Variants in NAA35 observed in about 807,000 individuals in gnomAD.
The protein encoded by NAA35 is N-alpha-acetyltransferase 35, NatC auxiliary subunit.
Under a neutral mutation model 101.7 loss-of-function variants are expected in NAA35, and 18 were observed. The ratio of observed to expected loss-of-function variants is 0.18; its 90% CI spans 0.12 to 0.26. The LOEUF (loss-of-function observed/expected upper bound fraction) is 0.26. Among genes scored for constraint, NAA35 ranks in the 10% least tolerant of loss-of-function variants. NAA35 has a pLI of 1.00. For missense variants in NAA35, 601 were observed against 886.8 expected (o/e 0.68, Z 4.09); for synonymous variants, 267 against 273.1 (o/e 0.98, Z 0.22).
intron 14 of NAA35, among the ~76,000 whole-genome samples, chr9:86,008,027 A>T (rs1406593952): frequency 6.6e-6 from 1 of 152,170 alleles, no homozygotes; most frequent in Non-Finnish European, 1.5e-5. Context: ...CTTTTATCCA[A>T]AATGCCCTGG....
intron 11 of NAA35, among the ~76,000 whole-genome samples, chr9:85,993,016 TAA>T (rs1198003364): frequency 1.3e-5 from 2 of 152,028 alleles, no homozygotes; most frequent in African/African-American, 2.4e-5. Flanking sequence ...TGTGAATGGA[TAA>T]GTTATGATAT....
At chr9:85,966,891 G>C (rs1829764725) in intron 6 of NAA35, among the ~76,000 whole-genome samples, 1 of 152,234 alleles carries the variant, frequency 6.6e-6, no homozygotes, top group Non-Finnish European at 1.5e-5. Flanking sequence ...CAGATCACCT[G>C]AGGTCAGGAG....
intron 14 of NAA35, among the ~76,000 whole-genome samples, chr9:86,008,088 A>G (rs1371651676): frequency 6.6e-6 from 1 of 152,176 alleles, no homozygotes; most frequent in African/African-American, 2.4e-5. Context: ...AAGTATTTGC[A>G]TGTACATAAT....
At chr9:86,005,431 G>C (rs758420213) in intron 13 of NAA35, among the ~76,000 whole-genome samples, 1 of 152,192 alleles carries the variant, frequency 6.6e-6, no homozygotes, top group Non-Finnish European at 1.5e-5. Flanking sequence ...ATGGGAAGAA[G>C]GCAAAGATGC....
chr9:85,945,997 T>C lies in NAA35; in HGVS notation c.124+3714T>C, dbSNP rs553294938. ...GCAGGTGGCACACATTCCTTATAAC[T>C]ACTCTTGAGGCTCTAATTTTTTTCT... On this transcript the variant is annotated intron_variant, in intron 2 of 22. Transcript: ENST00000361671. Among the ~76,000 whole-genome samples the C allele has an allele frequency of 3.3e-4, 50 of 152,314 alleles. No individual in the cohort carries two copies. In the South Asian group the frequency reaches 3.5e-3, roughly 11 times the overall value.
intron 12 of NAA35, among the ~76,000 whole-genome samples, chr9:85,999,514 C>T (rs780383663): frequency 3.9e-5 from 6 of 152,134 alleles, no homozygotes; most frequent in Non-Finnish European, 5.9e-5. Context: ...TGACAGGCTC[C>T]TGATATTGAA....
chr9:85,959,909 G>C (rs1300154091), intron 5 of NAA35, 42 bp downstream of exon 5: 1 of 1,405,592 alleles, frequency 7.1e-7, no homozygotes, highest in Non-Finnish European at 1.0e-6. Flanking sequence ...TTAAAACTGT[G>C]ACTTACCTGA....
intron 2 of NAA35, 76 bp from the exon 3 acceptor site, chr9:85,956,284 G>T: frequency 1.2e-6 from 1 of 841,182 alleles, no homozygotes. Context: ...CTTTTCAGGT[G>T]CTAATGTCTT....
chr9:85,952,389 G>T (rs1829059142), intron 2 of NAA35, among the ~76,000 whole-genome samples: 1 of 150,628 alleles, frequency 6.6e-6, no homozygotes, highest in South Asian at 2.1e-4. Flanking sequence ...GGGTTCAAAT[G>T]ATTCTCCTGC....
intron 7 of NAA35, 35 bp downstream of exon 7, chr9:85,975,068 A>G: frequency 1.2e-6 from 2 of 1,611,586 alleles, no homozygotes; most frequent in Non-Finnish European, 1.7e-6. Flanking sequence ...CACAAGTTTT[A>G]CATTTTCATA....
At chr9:85,944,214 C>T (rs900587559) in intron 2 of NAA35, among the ~76,000 whole-genome samples, 1 of 152,132 alleles carries the variant, frequency 6.6e-6, no homozygotes, top group Non-Finnish European at 1.5e-5. Flanking sequence ...TAATCTGAAT[C>T]TTAGTTTTCT....
intron 6 of NAA35, chr9:85,966,684 C>G: frequency 8.0e-7 from 1 of 1,252,750 alleles, no homozygotes; most frequent in Non-Finnish European, 1.1e-6. Context: ...AGTAAGTTGA[C>G]ACTTCTGTTT....
rs996831930 is a variant in NAA35 at position 86,016,750 on chromosome 9, C to T, written c.1705+75C>T. 13 of 1,451,464 alleles carry T rather than the reference C, an allele frequency of 9.0e-6. No homozygotes were observed. The Admixed American group carries it at 1.2e-4, about 13-fold the overall frequency. The allele number at this position is 1,451,464 out of a possible 1,614,324, so 89.9% of individuals were successfully genotyped here. A position where few individuals can be genotyped will look rare whatever the true frequency, so the allele number is the denominator to read the frequency against. On this transcript the variant is annotated intron_variant, in intron 18 of 22. Transcript: ENST00000361671. ...ACAGATAAATAGATGGAGAGCTACTCGTGAGTTGGTCATTATATTTTAGTT... is the reference window on the plus strand; with the variant it reads ...ACAGATAAATAGATGGAGAGCTACTTGTGAGTTGGTCATTATATTTTAGTT...
intron 12 of NAA35, among the ~76,000 whole-genome samples, chr9:86,000,768 G>C (rs1831389541): frequency 1.3e-5 from 2 of 151,894 alleles, no homozygotes; most frequent in South Asian, 4.2e-4. Flanking sequence ...TTCTAATTGT[G>C]TTTATTTGGG....
In NAA35 at chr9:86,016,572, G is replaced by A; in HGVS notation, c.1602G>A (p.Met534Ile). ...CTGAATTCCTTTACGCATGGTTGAT[G>A]TCAACATTGAGTCGTGCCGATGGCT... The part of the protein sequence containing the change: ...YLSEFLYAWL[M>I]STLSRADGSQ... Residue 534 changes from methionine (M) to isoleucine (I), a missense_variant, in exon 18 of 23, where the codon ATG (methionine) becomes ATA (isoleucine). By Grantham distance (10) the Met-to-Ile change is conservative. Coordinates refer to ENST00000361671, the MANE Select transcript of NAA35 (RefSeq NM_024635.4). 6.2e-7 allele frequency: 1 copy of A among 1,613,972 alleles called. No homozygotes were observed. Among genetic ancestry groups the A allele is most frequent in the South Asian group, 1.1e-5 (1 of 91,080 alleles).
At chr9:86,018,966 GT>G (rs1189365745) in intron 21 of NAA35, 145 bp downstream of exon 21, 1 of 1,069,948 alleles carries the variant, frequency 9.3e-7, no homozygotes, top group African/African-American at 1.6e-5. Flanking sequence ...ATTTCAGGTA[GT>G]TTTGTCAAAC....
intron 5 of NAA35, among the ~76,000 whole-genome samples, chr9:85,961,309 T>C (rs1829502297): frequency 6.6e-6 from 1 of 152,160 alleles, no homozygotes; most frequent in African/African-American, 2.4e-5. Flanking sequence ...GGGCAAATGA[T>C]TTAAACTCTT....
At chr9:86,009,783 G>T in intron 14 of NAA35, 82 bp from the exon 15 acceptor site, 1 of 963,904 alleles carries the variant, frequency 1.0e-6, no homozygotes, top group Non-Finnish European at 1.6e-6. Flanking sequence ...CACCTTCTCT[G>T]TCATTTGGTA....
intron 11 of NAA35, 64 bp from the exon 12 acceptor site, chr9:85,996,335 A>G: frequency 1.8e-6 from 2 of 1,081,100 alleles, no homozygotes; most frequent in Non-Finnish European, 2.7e-6. Flanking sequence ...TATATTTAAT[A>G]ACATTTGCAG....
Sources: gnomAD v4.1 joint callset for allele counts (sites outside exome capture counted in the v4.1 genomes callset) on GRCh38, gnomAD v4.1.1 for gene constraint, MANE v1.5 for transcripts, NCBI Gene and HGNC (gene_info 2026-07-23, HGNC 2026-07-21) for gene names.